Variants in TAF2 observed in about 807,000 individuals in gnomAD.
TAF2 encodes transcription initiation factor TFIID subunit 2.
A neutral mutation model predicts 138.5 loss-of-function variants in TAF2; 61 were observed. The ratio of observed to expected loss-of-function variants is 0.44; its 90% confidence interval spans 0.36 to 0.54. The LOEUF is 0.54. TAF2 is among the 20% of genes least tolerant of loss of function. TAF2 has a pLI of 0.00. For missense variants in TAF2, 1,090 were observed against 1,427.9 expected (o/e 0.76, Z 3.81); for synonymous variants, 475 against 469.9 (o/e 1.01, Z -0.14).
chr8:119,750,925 A>G (rs1375571995), intron 22 of TAF2, among the ~76,000 whole-genome samples: 2 of 152,192 alleles, frequency 1.3e-5, no homozygotes, highest in East Asian at 1.9e-4. Flanking sequence ...CTAAAGGTCA[A>G]TGTGGAAGCA....
intron 2 of TAF2, among the ~76,000 whole-genome samples, chr8:119,821,329 C>G (rs1412390876): frequency 6.6e-6 from 1 of 152,216 alleles, no homozygotes; most frequent in East Asian, 1.9e-4. Flanking sequence ...CACCACTTCA[C>G]AGATAACCAT....
At chr8:119,744,487 T>C (rs993589029) in intron 23 of TAF2, 94 bp from the exon 24 acceptor site, 9 of 971,418 alleles carry the variant, frequency 9.3e-6, no homozygotes, top group African/African-American at 4.8e-5. Flanking sequence ...AGAGAGGCCA[T>C]AGGATATACC....
chr8:119,791,358 A>G lies in TAF2; in HGVS notation c.1379T>C (p.Ile460Thr), dbSNP rs1003528328. ...QCKAHLVMRLIENRISMEFML... is the reference protein window; with the variant it reads ...QCKAHLVMRLTENRISMEFML... Reference sequence around the variant, plus strand: ...AAATTCCATACTGATCCTATTTTCAATCAATCTCATCACAAGGTGGGCTTT... The same window carrying G: ...AAATTCCATACTGATCCTATTTTCAGTCAATCTCATCACAAGGTGGGCTTT... The change falls in exon 11 of 26, where the codon ATT becomes ACT. Residue 460 changes from isoleucine (I) to threonine (T), a missense_variant. Ile to Thr is a moderately conservative substitution (Grantham distance 89). Coordinates refer to ENST00000378164, the MANE Select transcript of TAF2 (RefSeq NM_003184.4). 17 of 1,613,686 alleles carry G rather than the reference A, an allele frequency of 1.1e-5. No homozygotes were observed. Among genetic ancestry groups the G allele is most frequent in the East Asian group, 2.2e-5 (1 of 44,816 alleles).
At position 119,760,629 on chromosome 8, in the gene TAF2, C is replaced by T; in HGVS notation, c.2668G>A (p.Ala890Thr). 1.9e-6 allele frequency: 3 copies of T among 1,613,706 alleles called. No homozygotes were observed. The highest frequency in any genetic ancestry group is 2.5e-6 in the Non-Finnish European group (3 of 1,179,934). ...GTATAATCAACAACTGCTTCCAAAG[C>T]TGCTATCCTAATGTCCACAAAGTGG... ...YGHFVDIRIAALEAVVDYTKV... is the reference protein window; with the variant it reads ...YGHFVDIRIATLEAVVDYTKV... Residue 890 changes from alanine (A) to threonine (T), a missense_variant, in exon 20 of 26, where the codon GCT becomes ACT. Ala to Thr is a moderately conservative substitution (Grantham distance 58). Transcript: ENST00000378164.
chr8:119,786,964 C>T (rs1375430245), intron 14 of TAF2, among the ~76,000 whole-genome samples: 2 of 152,014 alleles, frequency 1.3e-5, no homozygotes, highest in East Asian at 1.9e-4. Flanking sequence ...AGAAGAAAAC[C>T]TAGGCAATAC....
intron 9 of TAF2, among the ~76,000 whole-genome samples, chr8:119,795,282 A>C (rs1823744950): frequency 6.6e-6 from 1 of 152,186 alleles, no homozygotes. Flanking sequence ...GAGCTGGGAC[A>C]TACCTAACGA....
At chr8:119,791,094 C>T (rs962208786) in intron 11 of TAF2, among the ~76,000 whole-genome samples, 3 of 152,138 alleles carry the variant, frequency 2.0e-5, no homozygotes, top group Non-Finnish European at 4.4e-5. Flanking sequence ...AGATACCATG[C>T]CCAGCCACCA....
chr8:119,797,547 C>T, intron 7 of TAF2, 115 bp downstream of exon 7: 1 of 1,075,440 alleles, frequency 9.3e-7, no homozygotes, highest in South Asian at 1.4e-5. Context: ...AAGCCAATCA[C>T]ATCCAAATTG....
intron 22 of TAF2, among the ~76,000 whole-genome samples, chr8:119,751,431 A>C (rs1273253101): frequency 6.6e-6 from 1 of 152,178 alleles, no homozygotes; most frequent in African/African-American, 2.4e-5. Flanking sequence ...TAATTCTACT[A>C]CCTAAAAATG....
chr8:119,763,527 C>T (rs930117122), intron 18 of TAF2, among the ~76,000 whole-genome samples: 5 of 151,274 alleles, frequency 3.3e-5, no homozygotes, highest in Non-Finnish European at 7.4e-5. Flanking sequence ...GTCAGGAGTT[C>T]GAGACCAGCC....
intron 20 of TAF2, among the ~76,000 whole-genome samples, chr8:119,758,686 C>G (rs1164586000): frequency 6.6e-6 from 1 of 152,110 alleles, no homozygotes; most frequent in Non-Finnish European, 1.5e-5. Flanking sequence ...CTAGCTATTT[C>G]CATTCACCTT....
Position 119,762,371 on chromosome 8 carries a change from A to C in TAF2, c.2558+44T>G, listed in dbSNP as rs775934663. On this transcript the variant is annotated intron_variant, in intron 19 of 25. Transcript: ENST00000378164. ...TATAACAAAAATAAATTTCTTTTAC[A>C]GTTATAAGAACATATAACTTTAAAG... The C allele has an allele frequency of 8.0e-5, 124 of 1,559,216 alleles. 1 individual carries two copies. The South Asian group carries it at 1.4e-3, about 18-fold the overall frequency.
At chr8:119,789,898 A>G (rs1181304098) in intron 11 of TAF2, 152 bp from the exon 12 acceptor site, 1 of 776,718 alleles carries the variant, frequency 1.3e-6, no homozygotes, top group Non-Finnish European at 2.0e-6. Context: ...ACTACTAGCA[A>G]TAGAAATATG....
At chr8:119,744,558 G>A in intron 23 of TAF2, 165 bp from the exon 24 acceptor site, 1 of 662,178 alleles carries the variant, frequency 1.5e-6, no homozygotes. Flanking sequence ...AGAAAGAAAA[G>A]ATTATGTGGT....
chr8:119,797,243 T>C, intron 7 of TAF2, 140 bp from the exon 8 acceptor site: 1 of 693,854 alleles, frequency 1.4e-6, no homozygotes, highest in Non-Finnish European at 2.4e-6. Flanking sequence ...TTTCAAAATT[T>C]AGCTAAAATT....
intron 18 of TAF2, among the ~76,000 whole-genome samples, chr8:119,774,542 C>T (rs779953566): frequency 2.0e-5 from 3 of 150,244 alleles, no homozygotes; most frequent in African/African-American, 4.9e-5. Context: ...GCGTATTTTA[C>T]GTGTGGCCCA....
rs912432490 is a variant in TAF2 at position 119,813,880 on chromosome 8, C to T, written c.299+5466G>A. ...CCTGTAATTGCAGCACTTTGGGAGACCAAGGCAGAAGGACCACTTGAGGCC... is the reference window on the plus strand; with the variant it reads ...CCTGTAATTGCAGCACTTTGGGAGATCAAGGCAGAAGGACCACTTGAGGCC... On this transcript the variant is annotated intron_variant, in intron 3 of 25. Transcript: ENST00000378164. Among the ~76,000 whole-genome samples the T allele has an allele frequency of 2.6e-5, 4 of 152,026 alleles. No homozygotes were observed. In the East Asian group the frequency reaches 7.7e-4, roughly 29 times the overall value.
At chr8:119,800,636 T>C (rs1824189961) in intron 6 of TAF2, among the ~76,000 whole-genome samples, 1 of 152,186 alleles carries the variant, frequency 6.6e-6, no homozygotes, top group Non-Finnish European at 1.5e-5. Context: ...TATCAGTGGA[T>C]AAACCTTTAA....
At chr8:119,778,791 T>C (rs1201433451) in intron 17 of TAF2, among the ~76,000 whole-genome samples, 4 of 152,182 alleles carry the variant, frequency 2.6e-5, no homozygotes, top group African/African-American at 9.6e-5. Context: ...TTTTTAAGAA[T>C]GTAGAAACAT....
Sources: gnomAD v4.1 joint callset for allele counts (sites outside exome capture counted in the v4.1 genomes callset) on GRCh38, gnomAD v4.1.1 for gene constraint, MANE v1.5 for transcripts, NCBI Gene and HGNC (gene_info 2026-07-23, HGNC 2026-07-21) for gene names.